The following ENTPD5 variants were observed in gnomAD, a reference collection of about 807,000 sequenced individuals.
The protein encoded by ENTPD5 is nucleoside diphosphate phosphatase ENTPD5.
Under a neutral mutation model 60.2 loss-of-function variants are expected in ENTPD5, and 49 were observed. The observed-to-expected ratio is 0.81, with a 90% CI of 0.65 to 1.03. ENTPD5 has a LOEUF of 1.03. ENTPD5 is among the 50% of genes least tolerant of loss of function. The pLI is 0.00. For missense variants in ENTPD5, 480 were observed against 507.6 expected (o/e 0.95, Z 0.52); for synonymous variants, 187 against 185.4 (o/e 1.01, Z -0.07).
chr14:73,963,089 T>C, downstream of ENTPD5: 1 of 1,079,136 alleles, frequency 9.3e-7, no homozygotes, highest in Non-Finnish European at 1.4e-6. Context: ...TTATTTAATT[T>C]AATAAACTTA....
intron 3 of ENTPD5, chr14:74,003,413 GA>G: frequency 5.5e-6 from 5 of 914,398 alleles, no homozygotes; most frequent in Non-Finnish European, 8.4e-6. Flanking sequence ...CTAAGTGGAG[GA>G]AAAAGCGAAT....
intron 3 of ENTPD5, among the ~76,000 whole-genome samples, chr14:73,990,326 C>G (rs561395632): frequency 6.6e-6 from 1 of 152,186 alleles, no homozygotes; most frequent in East Asian, 1.9e-4. Context: ...TTCTCCCTCC[C>G]TCTTTTCTGA....
chr14:73,995,626 T>G (rs1446009396), intron 3 of ENTPD5, among the ~76,000 whole-genome samples: 1 of 134,166 alleles, frequency 7.5e-6, no homozygotes, highest in East Asian at 2.2e-4. Flanking sequence ...AATAGCTGAC[T>G]GCTTTCCAAA....
intron 3 of ENTPD5, among the ~76,000 whole-genome samples, chr14:74,008,704 A>T (rs2058754659): frequency 6.6e-6 from 1 of 151,902 alleles, no homozygotes. Context: ...CTAGACTTTT[A>T]TTTTTTCTTT....
At chr14:73,957,525 G>T (rs1398789406), downstream of ENTPD5, among the ~76,000 whole-genome samples, 1 of 151,936 alleles carries the variant, frequency 6.6e-6, no homozygotes, top group Non-Finnish European at 1.5e-5. Flanking sequence ...CCTTGGCTGG[G>T]GTGCAGTGGC....
downstream of ENTPD5, chr14:73,961,767 CAG>C: frequency 6.2e-7 from 1 of 1,614,182 alleles, no homozygotes; most frequent in Non-Finnish European, 8.5e-7. Context: ...GGTTATGAAA[CAG>C]AAAGACAGCG....
At chr14:73,959,490 G>A (rs17851169), downstream of ENTPD5, 1 of 1,614,140 alleles carries the variant, frequency 6.2e-7, no homozygotes. Context: ...CATGGATGAG[G>A]AAAAATTTGT....
rs1316452641 is a variant in ENTPD5, at chr14:73,965,821, T to C, written c.*1107A>G. 2 of 152,184 alleles carry C rather than the reference T, an allele frequency of 1.3e-5. No homozygotes were observed. The highest frequency in any genetic ancestry group is 2.9e-5 in the Non-Finnish European group (2 of 68,024). The allele number at this position is 152,184 out of a possible 1,614,324, so 9.4% of individuals were successfully genotyped here. A position where few individuals can be genotyped will look rare whatever the true frequency, so the allele number is the denominator to read the frequency against. On this transcript the variant is annotated 3_prime_UTR_variant, in exon 16 of 16. Transcript: ENST00000334696. The stretch of plus-strand genomic sequence containing the variant: ...AGAGCATGAGGGACATTAAATATGG[T>C]TCTCCCTGGAAATGTTGGTCCACTG...
At chr14:74,001,096 G>GCCTGTAAT (rs1387013263) in intron 3 of ENTPD5, among the ~76,000 whole-genome samples, 2 of 152,094 alleles carry the variant, frequency 1.3e-5, no homozygotes, top group African/African-American at 4.8e-5. Context: ...GATGACTCAT[G>GCCTGTAAT]CCTGTAATCC....
At chr14:73,992,683 C>CAA (rs199594365) in intron 3 of ENTPD5, among the ~76,000 whole-genome samples, 11 of 62,730 alleles carry the variant, frequency 1.8e-4, no homozygotes, top group Non-Finnish European at 3.1e-4. Flanking sequence ...GACTCCGTCT[C>CAA]AAAAAAAAAA....
chr14:74,002,058 T>C (rs1462914768), intron 3 of ENTPD5, among the ~76,000 whole-genome samples: 1 of 152,156 alleles, frequency 6.6e-6, no homozygotes, highest in African/African-American at 2.4e-5. Context: ...ATGCCAAGCA[T>C]GATGTTAAGT....
downstream of ENTPD5, chr14:73,962,801 AGT>A: frequency 1.6e-6 from 1 of 638,450 alleles, no homozygotes; most frequent in East Asian, 2.7e-5. Context: ...CAGTCAACAG[AGT>A]GAGACCCTGT....
chr14:73,991,858 T>A (rs7143207), intron 3 of ENTPD5, among the ~76,000 whole-genome samples: 59,974 of 148,816 alleles, frequency 0.4, 13,023 homozygotes, highest in South Asian at 0.49. Context: ...TATTTAAAAA[T>A]TTTTTTTTAA....
chr14:73,977,251 C>G, intron 7 of ENTPD5, 48 bp downstream of exon 7: 1 of 1,475,378 alleles, frequency 6.8e-7, no homozygotes, highest in Non-Finnish European at 9.4e-7. Context: ...AGATCTTTCA[C>G]TGATCCTGCC....
downstream of ENTPD5, chr14:73,955,690 G>T (rs909108511): frequency 6.6e-7 from 1 of 1,521,742 alleles, no homozygotes; most frequent in Non-Finnish European, 9.1e-7. Context: ...TTTCCTACCA[G>T]AGAGGCTGAC....
rs1024455383 is a variant in ENTPD5 at position 73,973,031 on chromosome 14, G to A, written c.887-7C>T. ...GGCTCAAAGCCCACCTCCCCTGCCA[G>A]GCAAAGGTGCACAGGGGTAAGGTGA... On this transcript the variant is annotated splice_region_variant and splice_polypyrimidine_tract_variant and intron_variant, in intron 12 of 15. Transcript: ENST00000334696. 5 of 1,614,038 alleles carry A rather than the reference G, an allele frequency of 3.1e-6. No individual in the cohort carries two copies. Among genetic ancestry groups the A allele is most frequent in the Non-Finnish European group, 3.4e-6 (4 of 1,179,934 alleles).
chr14:74,006,731 T>C (rs11626725), intron 3 of ENTPD5, among the ~76,000 whole-genome samples: 49,460 of 151,676 alleles, frequency 0.33, 9,407 homozygotes, highest in Non-Finnish European at 0.42. Flanking sequence ...ACTACAGGAA[T>C]GAGCCACCAT....
At chr14:73,998,278 T>C (rs1252889461) in intron 3 of ENTPD5, among the ~76,000 whole-genome samples, 1 of 152,114 alleles carries the variant, frequency 6.6e-6, no homozygotes, top group East Asian at 1.9e-4. Flanking sequence ...GTGATAAATC[T>C]AGCAGCTGAC....
intron 3 of ENTPD5, chr14:73,996,622 A>G (rs1158415792): frequency 1.3e-5 from 2 of 152,130 alleles, no homozygotes; most frequent in Non-Finnish European, 2.9e-5. Context: ...ATACAGAGGA[A>G]TCCGATATAG....
Sources: allele counts gnomAD v4.1 joint callset (sites outside exome capture counted in the v4.1 genomes callset), GRCh38; gene constraint gnomAD v4.1.1; transcripts MANE v1.5; gene names NCBI Gene and HGNC (gene_info 2026-07-23, HGNC 2026-07-21).